Variants in ARHGEF19 observed in about 807,000 individuals in gnomAD.
ARHGEF19 encodes the protein Rho guanine nucleotide exchange factor 19.
In ARHGEF19, 92 loss-of-function variants were observed where a neutral mutation model predicts 87.6. That is an observed-to-expected ratio of 1.05 (90% CI 0.89 to 1.25). The LOEUF (loss-of-function observed/expected upper bound fraction) is 1.25. ARHGEF19 is among the 50% of genes most tolerant of loss of function. The pLI, the probability that ARHGEF19 is intolerant of heterozygous loss-of-function variation, is 0.00. For synonymous variants in ARHGEF19, 438 were observed against 446.2 expected (o/e 0.98, Z 0.23); for missense variants, 1,054 against 1,051.8 (o/e 1.00, Z -0.03).
intron 14 of ARHGEF19, 41 bp from the exon 15 acceptor site, chr1:16,199,295 A>T: frequency 6.4e-7 from 1 of 1,552,626 alleles, no homozygotes; most frequent in Non-Finnish European, 8.9e-7. Context: ...CAAGGGCAGG[A>T]TGGCAGGGGG....
At chr1:16,204,433 G>A (rs745702242) in intron 12 of ARHGEF19, among the ~76,000 whole-genome samples, 2 of 152,204 alleles carry the variant, frequency 1.3e-5, no homozygotes, top group Non-Finnish European at 2.9e-5. Flanking sequence ...CTGAGTAAAT[G>A]TTGGCTTCTG....
Position 16,207,443 on chromosome 1 carries a change from T to A in ARHGEF19, c.874+79A>T. On this transcript the variant is annotated intron_variant, in intron 5 of 15. Coordinates refer to ENST00000270747, the MANE Select transcript of ARHGEF19 (RefSeq NM_153213.5). The surrounding 1 kb of genome is among the most constrained non-coding windows in gnomAD (Gnocchi z 4.0). ...TCACTCGATCCCTACCTCTCAACTCTCCAAACCCTCTTTTCCCCGTTTCCA... is the reference window on the plus strand; with the variant it reads ...TCACTCGATCCCTACCTCTCAACTCACCAAACCCTCTTTTCCCCGTTTCCA... The A allele has an allele frequency of 6.4e-7, 1 of 1,567,616 alleles. No individual in the cohort carries two copies. The highest frequency in any genetic ancestry group is 8.7e-7 in the Non-Finnish European group (1 of 1,145,880).
In ARHGEF19 at chr1:16,199,210, G is replaced by A. The variant is rs780635236; in HGVS notation, c.2191C>T (p.Pro731Ser). 2 of 1,613,982 alleles carry A rather than the reference G, an allele frequency of 1.2e-6. No individual in the cohort carries two copies. The highest frequency in any genetic ancestry group is 2.2e-5 in the East Asian group (1 of 44,876). Reference protein sequence around the residue: ...QCVRTYKALHPDELTLEKTDI... With the variant: ...QCVRTYKALHSDELTLEKTDI... ...GTCTTCTCCAAGGTCAGCTCATCTG[G>A]GTGCAGTGCCTTGTATGTCCTAACA... is the stretch of plus-strand genomic sequence containing the variant. Residue 731 changes from proline to serine, a missense_variant, in exon 15 of 16, where the codon CCA becomes TCA. Pro to Ser is a moderately conservative substitution (Grantham distance 74, BLOSUM62 -1). Coordinates refer to ENST00000270747, the MANE Select transcript of ARHGEF19 (RefSeq NM_153213.5).
intron 13 of ARHGEF19, 118 bp downstream of exon 13, chr1:16,202,298 G>A (rs1569700512): frequency 2.1e-6 from 3 of 1,399,990 alleles, no homozygotes; most frequent in Non-Finnish European, 2.9e-6. Context: ...ACTTGGGGAG[G>A]AACAAGGCCA....
At chr1:16,200,124 TA>T (rs1285220770) in intron 14 of ARHGEF19, among the ~76,000 whole-genome samples, 3 of 152,214 alleles carry the variant, frequency 2.0e-5, no homozygotes, top group African/African-American at 7.2e-5. Flanking sequence ...CCAGAGCATC[TA>T]CCCCCTTCCT....
At chr1:16,199,593 G>C (rs1314970350) in intron 14 of ARHGEF19, among the ~76,000 whole-genome samples, 2 of 151,972 alleles carry the variant, frequency 1.3e-5, no homozygotes, top group Non-Finnish European at 2.9e-5. Context: ...ACTGCCCCCA[G>C]ATACCCCACA....
At chr1:16,202,972 G>C (rs911039365) in intron 12 of ARHGEF19, among the ~76,000 whole-genome samples, 1 of 152,082 alleles carries the variant, frequency 6.6e-6, no homozygotes, top group African/African-American at 2.4e-5. Flanking sequence ...CGCCTTCCAG[G>C]TTCAAGCGAT....
chr1:16,199,335 T>C, intron 14 of ARHGEF19, 81 bp from the exon 15 acceptor site: 1 of 1,169,080 alleles, frequency 8.6e-7, no homozygotes. Context: ...GGAGGGGCAG[T>C]AGGAGGAAGT....
chr1:16,206,976 A>T lies in ARHGEF19; in HGVS notation c.1109T>A (p.Leu370Gln). Reference protein sequence around the residue: ...DVRGSGVLATLSLRDCKLQEA... With the variant: ...DVRGSGVLATQSLRDCKLQEA... The stretch of plus-strand genomic sequence containing the variant: ...CTGCAGCTTGCAGTCCCGCAGGCTC[A>T]GCGTGGCCAGGACGCCGCTGCCGCG... Residue 370 changes from leucine (L) to glutamine (Q), a missense_variant, in exon 6 of 16, where the codon CTG (leucine) becomes CAG (glutamine). Physicochemically the swap from Leu to Gln is moderately radical, Grantham distance 113 (BLOSUM62 -2). Coordinates refer to ENST00000270747, the MANE Select transcript of ARHGEF19 (RefSeq NM_153213.5). This position sits in a 1 kb window ranked among gnomAD's most constrained non-coding sequence, Gnocchi z 4.6. 1 of 1,509,172 alleles carries T rather than the reference A, an allele frequency of 6.6e-7. No individual in the cohort carries two copies. Among genetic ancestry groups the T allele is most frequent in the Non-Finnish European group, 8.8e-7 (1 of 1,134,314 alleles). The allele number at this position is 1,509,172 out of a possible 1,614,324, so 93.5% of individuals were successfully genotyped here. A position where few individuals can be genotyped will look rare whatever the true frequency, so the allele number is the denominator to read the frequency against.
At position 16,206,574 on chromosome 1, in the gene ARHGEF19, T is replaced by C. The variant is rs921646656; in HGVS notation, c.1138-234A>G. 7.5e-6 allele frequency: 4 copies of C among 532,082 alleles called. No homozygotes were observed. The highest frequency in any genetic ancestry group is 6.1e-5 in the African/African-American group (3 of 48,818). The allele number at this position is 532,082 out of a possible 1,614,324, so 33.0% of individuals were successfully genotyped here. On this transcript the variant is annotated intron_variant, in intron 6 of 15. Transcript: ENST00000270747. The surrounding 1 kb of genome is among the most constrained non-coding windows in gnomAD (Gnocchi z 4.6). ...CCTAAGCCCCGCCCCGACGCGTTCT[T>C]CCCAGAGCCCCGCCCACCCCCCAGG...
rs221051 is a variant in ARHGEF19 at position 16,206,353 on chromosome 1, A to C, written c.1138-13T>G. ...GCTCAAACTTGGCCTGAGGGAGGGC[A>C]CACACGGGGTCGAAAGGGCAGGACC... On this transcript the variant is annotated splice_polypyrimidine_tract_variant and intron_variant, in intron 6 of 15. Transcript: ENST00000270747. The surrounding 1 kb of genome is among the most constrained non-coding windows in gnomAD (Gnocchi z 4.6). The C allele has an allele frequency of 2.5e-6, 4 of 1,570,760 alleles. No individual in the cohort carries two copies. In the African/African-American group the frequency reaches 5.4e-5, roughly 21 times the overall value.
chr1:16,206,377 C>G lies in ARHGEF19; in HGVS notation c.1138-37G>C, dbSNP rs2100279668. ...CACACACGGGGTCGAAAGGGCAGGACCAGTTCACCTCGGAGGCCCTGGCCT... is the reference window on the plus strand; with the variant it reads ...CACACACGGGGTCGAAAGGGCAGGAGCAGTTCACCTCGGAGGCCCTGGCCT... On this transcript the variant is annotated intron_variant, in intron 6 of 15. Coordinates refer to ENST00000270747, the MANE Select transcript of ARHGEF19 (RefSeq NM_153213.5). The surrounding 1 kb of genome is among the most constrained non-coding windows in gnomAD (Gnocchi z 4.6). The G allele has an allele frequency of 1.9e-6, 3 of 1,561,658 alleles. No homozygotes were observed. Among genetic ancestry groups the G allele is most frequent in the Non-Finnish European group, 2.6e-6 (3 of 1,152,330 alleles).
At position 16,207,331 on chromosome 1, in the gene ARHGEF19, A is replaced by G; in HGVS notation, c.875-121T>C. ...TGCCGCGGTTCGGATATCTGGACAC[A>G]GTGAATTCATTCATTCATTCATTCA... On this transcript the variant is annotated intron_variant, in intron 5 of 15. Transcript: ENST00000270747. This position sits in a 1 kb window ranked among gnomAD's most constrained non-coding sequence, Gnocchi z 4.0. 1 of 1,328,252 alleles carries G rather than the reference A, an allele frequency of 7.5e-7. No homozygotes were observed. The highest frequency in any genetic ancestry group is 9.8e-7 in the Non-Finnish European group (1 of 1,022,592). 82.3% of individuals were successfully genotyped at this position (1,328,252 alleles called of 1,614,324 possible). A position where few individuals can be genotyped will look rare whatever the true frequency, so the allele number is the denominator to read the frequency against.
chr1:16,207,900 C>CCCG lies in ARHGEF19; in HGVS notation c.694+41_694+43dup. On this transcript the variant is annotated intron_variant, in intron 3 of 15. Transcript: ENST00000270747. The surrounding 1 kb of genome is among the most constrained non-coding windows in gnomAD (Gnocchi z 4.0). ...TGGGCATCGCCCACCCCCACCCCCA[C>CCCG]CCGGCATCTGGCTGCCCTCAGGGCC... is the stretch of plus-strand genomic sequence containing the variant. 1.9e-6 allele frequency: 3 copies of CCCG among 1,573,736 alleles called. No homozygotes were observed. The highest frequency in any genetic ancestry group is 2.6e-6 in the Non-Finnish European group (3 of 1,158,538).
chr1:16,209,847 T>C (rs113395261), intron 1 of ARHGEF19, among the ~76,000 whole-genome samples: 2 of 152,200 alleles, frequency 1.3e-5, no homozygotes, highest in Admixed American at 1.3e-4. Flanking sequence ...CCATGCCAAG[T>C]TGGCTGGGAG....
At chr1:16,209,684 T>C (rs1356267566) in intron 1 of ARHGEF19, among the ~76,000 whole-genome samples, 1 of 152,182 alleles carries the variant, frequency 6.6e-6, no homozygotes, top group Non-Finnish European at 1.5e-5. Flanking sequence ...CCGTCCGATA[T>C]TTACACAGGC....
rs1283282496 is a variant in ARHGEF19, at chr1:16,206,992, C to T, written c.1093G>A (p.Gly365Ser). ...WQDIPDVRGS[G>S]VLATLSLRDC... ...CGCAGGCTCAGCGTGGCCAGGACGC[C>T]GCTGCCGCGTACGTCGGGGATATCC... Residue 365 changes from glycine (G) to serine (S), a missense_variant, in exon 6 of 16, where the codon GGC (glycine) becomes AGC (serine). By Grantham distance (56) the Gly-to-Ser change is moderately conservative. Coordinates refer to ENST00000270747, the MANE Select transcript of ARHGEF19 (RefSeq NM_153213.5). The surrounding 1 kb of genome is among the most constrained non-coding windows in gnomAD (Gnocchi z 4.6). The T allele has an allele frequency of 4.6e-6, 7 of 1,516,090 alleles. No homozygotes were observed. The African/African-American group carries it at 5.8e-5, about 13-fold the overall frequency. The allele number at this position is 1,516,090 out of a possible 1,614,324, so 93.9% of individuals were successfully genotyped here.
At chr1:16,200,513 C>T (rs1191922769) in intron 14 of ARHGEF19, among the ~76,000 whole-genome samples, 1 of 151,398 alleles carries the variant, frequency 6.6e-6, no homozygotes, top group African/African-American at 2.4e-5. Context: ...GAGGCTGAGG[C>T]AGGTGAATCA....
Position 16,205,428 on chromosome 1 carries a change from G to C in ARHGEF19, c.1582-3C>G. 1 of 1,610,816 alleles carries C rather than the reference G, an allele frequency of 6.2e-7. No homozygotes were observed. Among genetic ancestry groups the C allele is most frequent in the Non-Finnish European group, 8.5e-7 (1 of 1,178,412 alleles). ...TGTGCTGTCCGCTTCAGGATGTTCT[G>C]GAAGGTGGGATCAGCACAATGAGGC... is the stretch of plus-strand genomic sequence containing the variant. On this transcript the variant is annotated splice_polypyrimidine_tract_variant and splice_region_variant and intron_variant, in intron 9 of 15. Coordinates refer to ENST00000270747, the MANE Select transcript of ARHGEF19 (RefSeq NM_153213.5). The surrounding 1 kb of genome is among the most constrained non-coding windows in gnomAD (Gnocchi z 5.8).
Sources: allele counts gnomAD v4.1 joint callset (sites outside exome capture counted in the v4.1 genomes callset), GRCh38; gene constraint gnomAD v4.1.1; non-coding constraint Gnocchi (gnomAD v3.1); transcripts MANE v1.5; gene names NCBI Gene and HGNC (gene_info 2026-07-23, HGNC 2026-07-21).